Variants in NR1H4 observed in about 807,000 individuals in gnomAD.
The protein encoded by NR1H4 is bile acid receptor.
Under a neutral mutation model 58.5 loss-of-function variants are expected in NR1H4, and 23 were observed. The observed-to-expected ratio is 0.39, with a 90% CI of 0.28 to 0.56. The LOEUF (loss-of-function observed/expected upper bound fraction) is 0.56. NR1H4 is among the 20% of genes least tolerant of loss of function. The pLI is 0.58. For missense variants in NR1H4, 487 were observed against 576.9 expected, an observed-to-expected ratio of 0.84 and a Z score of 1.60; for synonymous variants, 214 against 198.0, an observed-to-expected ratio of 1.08 and a Z score of -0.68.
chr12:100,491,595 G>T (rs557465836), intron 1 of NR1H4, among the ~76,000 whole-genome samples: 1 of 151,270 alleles, frequency 6.6e-6, no homozygotes, highest in Non-Finnish European at 1.5e-5. Flanking sequence ...GAAGTTCATG[G>T]TCCCTAGCTC....
chr12:100,557,798 A>G (rs1230228123), intron 9 of NR1H4, among the ~76,000 whole-genome samples: 1 of 152,186 alleles, frequency 6.6e-6, no homozygotes, highest in Non-Finnish European at 1.5e-5. Flanking sequence ...TAGCGTCTGG[A>G]ATCAAAGTTT....
chr12:100,522,261 A>C (rs1954444156), intron 4 of NR1H4, among the ~76,000 whole-genome samples: 1 of 152,092 alleles, frequency 6.6e-6, no homozygotes, highest in African/African-American at 2.4e-5. Context: ...GTTGATAGAT[A>C]ATCTATATCA....
intron 9 of NR1H4, among the ~76,000 whole-genome samples, chr12:100,554,317 G>A (rs1205225861): frequency 6.6e-6 from 1 of 151,846 alleles, no homozygotes; most frequent in Non-Finnish European, 1.5e-5. Context: ...TCTTGAGGAC[G>A]TCATCAGAAT....
intron 4 of NR1H4, among the ~76,000 whole-genome samples, chr12:100,516,284 A>G (rs985434275): frequency 6.6e-6 from 1 of 152,218 alleles, no homozygotes; most frequent in Non-Finnish European, 1.5e-5. Flanking sequence ...AAGAACACGC[A>G]TAATTTATTC....
intron 4 of NR1H4, among the ~76,000 whole-genome samples, chr12:100,530,169 A>G (rs749454782): frequency 5.9e-5 from 9 of 152,138 alleles, no homozygotes; most frequent in Non-Finnish European, 1.2e-4. Flanking sequence ...ACAGTAAACT[A>G]TTTTACTCTC....
In NR1H4 at chr12:100,564,036, A is replaced by G. The variant is rs1339605810; in HGVS notation, c.*547A>G. The G allele has an allele frequency of 6.5e-6, 1 of 153,098 alleles. No individual in the cohort carries two copies. Among genetic ancestry groups the G allele is most frequent in the Non-Finnish European group, 1.5e-5 (1 of 68,676 alleles). The allele number at this position is 153,098 out of a possible 1,614,324, so 9.5% of individuals were successfully genotyped here. ...GTCATTCATTTGTAATAGCCCTCTG[A>G]TCATTTCCTTTTCTTTGAAGTTCAA... On this transcript the variant is annotated 3_prime_UTR_variant, in exon 11 of 11. Transcript: ENST00000392986.
intron 1 of NR1H4, among the ~76,000 whole-genome samples, chr12:100,487,526 G>A (rs900919771): frequency 6.6e-6 from 1 of 151,668 alleles, no homozygotes; most frequent in Non-Finnish European, 1.5e-5. Flanking sequence ...CAGGGGGAAG[G>A]TAGGGAAGTG....
intron 1 of NR1H4, among the ~76,000 whole-genome samples, chr12:100,489,607 C>A (rs752938641): frequency 1.3e-5 from 2 of 151,968 alleles, no homozygotes; most frequent in Admixed American, 1.3e-4. Context: ...GGCAGCCGAC[C>A]GGATTTGGCC....
chr12:100,500,028 GGTACCATTACT>G (rs1953799341), intron 3 of NR1H4: 2 of 452,364 alleles, frequency 4.4e-6, no homozygotes, highest in East Asian at 1.4e-4. Context: ...CTATAAGGTA[GGTACCATTACT>G]GTTCCCCTTT....
intron 1 of NR1H4, among the ~76,000 whole-genome samples, chr12:100,474,669 T>A (rs1433930829): frequency 1.3e-5 from 2 of 152,242 alleles, no homozygotes; most frequent in African/African-American, 4.8e-5. Context: ...AGAACTTTAG[T>A]AATAAAATTG....
chr12:100,519,680 A>G (rs1205947113), intron 4 of NR1H4, among the ~76,000 whole-genome samples: 1 of 152,108 alleles, frequency 6.6e-6, no homozygotes, highest in Non-Finnish European at 1.5e-5. Context: ...TCTACCCAGG[A>G]AAGGGCATAA....
intron 1 of NR1H4, among the ~76,000 whole-genome samples, chr12:100,477,799 G>C (rs1953301594): frequency 6.6e-6 from 1 of 152,174 alleles, no homozygotes; most frequent in Non-Finnish European, 1.5e-5. Context: ...TTGCCATCCA[G>C]AATTTGCAGG....
chr12:100,518,714 C>T (rs745486652), intron 4 of NR1H4, among the ~76,000 whole-genome samples: 1 of 150,590 alleles, frequency 6.6e-6, no homozygotes, highest in Non-Finnish European at 1.5e-5. Context: ...GTAAGCTATA[C>T]TTACAAAAAT....
rs1022011380 is a variant in NR1H4, at chr12:100,563,618, A to C, written c.*129A>C. 4 of 783,158 alleles carry C rather than the reference A, an allele frequency of 5.1e-6. No homozygotes were observed. Among genetic ancestry groups the C allele is most frequent in the Non-Finnish European group, 8.9e-6 (4 of 448,910 alleles). The allele number at this position is 783,158 out of a possible 1,614,324, so 48.5% of individuals were successfully genotyped here. On this transcript the variant is annotated 3_prime_UTR_variant, in exon 11 of 11. Coordinates refer to ENST00000392986, the MANE Select transcript of NR1H4 (RefSeq NM_001206979.2). ...TGATGAATATTTATGTTGTAATTACATGTGTAACTTCCACAACTGTAAATA... is the reference window on the plus strand; with the variant it reads ...TGATGAATATTTATGTTGTAATTACCTGTGTAACTTCCACAACTGTAAATA...
At chr12:100,518,492 T>C (rs757208559) in intron 4 of NR1H4, among the ~76,000 whole-genome samples, 6 of 152,156 alleles carry the variant, frequency 3.9e-5, no homozygotes, top group Admixed American at 3.9e-4. Context: ...GCCCCCATGG[T>C]GTCAGGAAAA....
intron 1 of NR1H4, among the ~76,000 whole-genome samples, chr12:100,478,935 G>A (rs1953325297): frequency 6.6e-6 from 1 of 151,928 alleles, no homozygotes; most frequent in Non-Finnish European, 1.5e-5. Context: ...AATCTCATAG[G>A]TGAAAATGGT....
At chr12:100,511,629 A>C (rs1954119050) in intron 4 of NR1H4, among the ~76,000 whole-genome samples, 2 of 151,322 alleles carry the variant, frequency 1.3e-5, no homozygotes, top group South Asian at 4.1e-4. Flanking sequence ...TATATTACAA[A>C]AAAATATTTT....
chr12:100,530,476 C>A (rs1012342753), intron 4 of NR1H4, among the ~76,000 whole-genome samples: 5 of 152,118 alleles, frequency 3.3e-5, no homozygotes, highest in African/African-American at 1.2e-4. Context: ...AGGAAGGACT[C>A]CTCTCAATTT....
At chr12:100,549,785 A>G (rs1420713039) in intron 9 of NR1H4, among the ~76,000 whole-genome samples, 2 of 152,196 alleles carry the variant, frequency 1.3e-5, no homozygotes, top group Non-Finnish European at 2.9e-5. Flanking sequence ...ATGCTGCTGC[A>G]TATTTTATCT....
Sources: allele counts gnomAD v4.1 joint callset (sites outside exome capture counted in the v4.1 genomes callset), GRCh38; gene constraint gnomAD v4.1.1; transcripts MANE v1.5; gene names NCBI Gene and HGNC (gene_info 2026-07-23, HGNC 2026-07-21).